The following STS variants were observed in gnomAD, a reference collection of about 807,000 sequenced individuals.
STS encodes steroid sulfatase, also known as steryl-sulfatase.
STS carries 7 observed loss-of-function variants against 26.8 expected under a neutral mutation model. The ratio of observed to expected loss-of-function variants is 0.26; its 90% CI spans 0.15 to 0.49. STS has a LOEUF of 0.49. Among genes scored for constraint, STS ranks in the 20% least tolerant of loss-of-function variants. The pLI is 0.98. For synonymous variants in STS, 199 were observed against 189.4 expected, an observed-to-expected ratio of 1.05 and a Z score of -0.42; for missense variants, 434 against 465.6, an observed-to-expected ratio of 0.93 and a Z score of 0.63.
chrX:7,250,734 A>G (rs974371838), intron 2 of STS, among the ~76,000 whole-genome samples: 2 of 112,641 alleles, frequency 1.8e-5, no homozygotes, highest in Admixed American at 9.4e-5. Context: ...ATATGTCTGT[A>G]TGGAGACCTT....
At chrX:7,254,055 G>T (rs1405505842) in intron 3 of STS, among the ~76,000 whole-genome samples, 2 of 111,669 alleles carry the variant, frequency 1.8e-5, no homozygotes, top group Non-Finnish European at 3.8e-5. Flanking sequence ...CATTTACAGG[G>T]CTTCATCCTC....
At chrX:7,284,250 G>A (rs1180013801) in intron 7 of STS, among the ~76,000 whole-genome samples, 1 of 111,705 alleles carries the variant, frequency 9.0e-6, no homozygotes, top group Non-Finnish European at 1.9e-5. Context: ...TATTTCAATC[G>A]TTGGTTACCT....
chrX:7,203,415 C>T (rs1479574618), intron 2 of STS, among the ~76,000 whole-genome samples: 1 of 111,934 alleles, frequency 8.9e-6, no homozygotes, highest in African/African-American at 3.2e-5. Context: ...GATCAGAGCT[C>T]ATTAAGCTGA....
chrX:7,231,506 G>T (rs1375487604), intron 2 of STS, among the ~76,000 whole-genome samples: 1 of 111,266 alleles, frequency 9.0e-6, no homozygotes, highest in African/African-American at 3.3e-5. Context: ...GTCAGGCTAG[G>T]GGGATGGAGG....
chrX:7,228,451 G>A (rs1921914787), intron 2 of STS, among the ~76,000 whole-genome samples: 1 of 111,676 alleles, frequency 9.0e-6, no homozygotes. Context: ...CATTGTGTGT[G>A]GGTTTGAGTT....
intron 8 of STS, among the ~76,000 whole-genome samples, chrX:7,316,220 A>G (rs1299651550): frequency 8.9e-6 from 1 of 112,016 alleles, no homozygotes; most frequent in Non-Finnish European, 1.9e-5. Flanking sequence ...AAATGTTAGT[A>G]GAAGTTGCTG....
chrX:7,209,519 T>A (rs1452907094), intron 2 of STS, among the ~76,000 whole-genome samples: 1 of 96,894 alleles, frequency 1.0e-5, no homozygotes, highest in Non-Finnish European at 2.0e-5. Flanking sequence ...ATGAAAAAAA[T>A]TATTTTTAAT....
intron 2 of STS, among the ~76,000 whole-genome samples, chrX:7,215,138 CATAT>C (rs369499691): frequency 4.0e-4 from 36 of 90,249 alleles, no homozygotes; most frequent in East Asian, 7.0e-4. Flanking sequence ...CACACACACA[CATAT>C]ATATATATAT....
chrX:7,327,794 G>C (rs1927552258), intron 9 of STS, among the ~76,000 whole-genome samples: 1 of 111,709 alleles, frequency 9.0e-6, no homozygotes, highest in Non-Finnish European at 1.9e-5. Flanking sequence ...AGGATCAATA[G>C]GAGGATTAAA....
At chrX:7,313,303 C>G (rs974557597) in intron 8 of STS, among the ~76,000 whole-genome samples, 5 of 112,288 alleles carry the variant, frequency 4.5e-5, no homozygotes, top group Non-Finnish European at 9.4e-5. Flanking sequence ...GCATTTTTTC[C>G]TTACCTTAAG....
At chrX:7,176,056 C>T (rs778272765) in intron 1 of STS, among the ~76,000 whole-genome samples, 12 of 111,762 alleles carry the variant, frequency 1.1e-4, no homozygotes, top group Non-Finnish European at 2.3e-4. Context: ...TGTGCTTACC[C>T]GGTTCCTTGC....
At chrX:7,157,164 C>T (rs775970791) in intron 1 of STS, among the ~76,000 whole-genome samples, 10 of 111,599 alleles carry the variant, frequency 9.0e-5, no homozygotes, top group African/African-American at 2.9e-4. Context: ...CTGTGAGCAC[C>T]GTGTTGCTCT....
In STS at chrX:7,219,794, G is replaced by A; in HGVS notation, c.-5+28786G>A. 3.3e-6 allele frequency: 3 copies of A among 914,549 alleles called. No individual in the cohort carries two copies. In the South Asian group the frequency reaches 6.2e-5, roughly 19 times the overall value. 75.4% of individuals were successfully genotyped at this position (914,549 alleles called of 1,213,427 possible). A position where few individuals can be genotyped will look rare whatever the true frequency, so the allele number is the denominator to read the frequency against. ...TGTGTTGCATATTCTCCCAACATGT[G>A]TTGTCTTGTTCTTGTTTCTTAAATC... is the stretch of plus-strand genomic sequence containing the variant. On this transcript the variant is annotated intron_variant, in intron 2 of 10. Coordinates refer to ENST00000674429, the MANE Select transcript of STS (RefSeq NM_001320752.2).
intron 10 of STS, among the ~76,000 whole-genome samples, chrX:7,337,632 T>A (rs1326039907): frequency 8.9e-6 from 1 of 112,534 alleles, no homozygotes; most frequent in Admixed American, 9.4e-5. Flanking sequence ...TAGGGTTTAG[T>A]AGCAGGCAGT....
At chrX:7,193,916 T>G (rs762199303) in intron 2 of STS, among the ~76,000 whole-genome samples, 1 of 111,294 alleles carries the variant, frequency 9.0e-6, no homozygotes. Flanking sequence ...TATTATTATT[T>G]TTTTTGAGAC....
chrX:7,299,039 ATT>A (rs1925812835), intron 7 of STS, among the ~76,000 whole-genome samples: 2 of 44,004 alleles, frequency 4.5e-5, no homozygotes, highest in Admixed American at 2.6e-4. Context: ...TTATTTATAT[ATT>A]TATATATAAA....
intron 10 of STS, among the ~76,000 whole-genome samples, chrX:7,342,249 G>A (rs1325413800): frequency 9.0e-6 from 1 of 111,700 alleles, no homozygotes; most frequent in Non-Finnish European, 1.9e-5. Context: ...TGTTGACTGA[G>A]TGATGAAAAG....
At chrX:7,221,173 G>A (rs182666378) in intron 2 of STS, among the ~76,000 whole-genome samples, 122 of 112,380 alleles carry the variant, frequency 1.1e-3, no homozygotes, top group African/African-American at 3.4e-3. Context: ...CATTGATTAC[G>A]TTTCTTAAAT....
In STS at chrX:7,201,779, T is replaced by A. The variant is rs1351476069; in HGVS notation, c.-5+10771T>A. On this transcript the variant is annotated intron_variant, in intron 2 of 10. Transcript: ENST00000674429. ...CACTGATCTAGAGACTTTCAGCTAT[T>A]TGGGCTTCAGGGATACAAGAACAGA... is the stretch of plus-strand genomic sequence containing the variant. Among the ~76,000 whole-genome samples the A allele has an allele frequency of 4.5e-5, 5 of 111,200 alleles. No individual in the cohort carries two copies. The East Asian group carries it at 1.4e-3, about 31-fold the overall frequency.
Sources: gnomAD v4.1 joint callset for allele counts (sites outside exome capture counted in the v4.1 genomes callset) on GRCh38, gnomAD v4.1.1 for gene constraint, MANE v1.5 for transcripts, NCBI Gene and HGNC (gene_info 2026-07-23, HGNC 2026-07-21) for gene names.